ENPP6: variants seen among roughly 807,000 people sequenced by gnomAD.
ENPP6 encodes glycerophosphocholine cholinephosphodiesterase ENPP6.
A neutral mutation model predicts 42.0 loss-of-function variants in ENPP6; 32 were observed. That is an observed-to-expected ratio of 0.76 (90% confidence interval 0.58 to 1.02). The LOEUF (loss-of-function observed/expected upper bound fraction) is 1.02. Among genes scored for constraint, ENPP6 ranks in the 50% least tolerant of loss-of-function variants. The pLI is 0.00. For synonymous variants in ENPP6, 213 were observed against 216.0 expected (o/e 0.99, Z 0.12); for missense variants, 552 against 566.8 (o/e 0.97, Z 0.27).
chr4:184,130,415 G>A lies in ENPP6; in HGVS notation c.422-6143C>T, dbSNP rs56232067. On this transcript the variant is annotated intron_variant, in intron 2 of 7. Coordinates refer to ENST00000296741, the MANE Select transcript of ENPP6 (RefSeq NM_153343.4). ...CTACTAAAAACACAAAAAATTAGCC[G>A]GGCGTGGTGGTGGGCACCTGTAGTC... Among the ~76,000 whole-genome samples, 395 of 124,506 alleles carry A rather than the reference G, an allele frequency of 3.2e-3. 3 individuals are homozygous for A. The highest frequency in any genetic ancestry group is 5.3e-3 in the Non-Finnish European group (304 of 57,220). The allele number at this position is 124,506 out of a possible 152,430, so 81.7% of individuals were successfully genotyped here.
Position 184,112,557 on chromosome 4 carries a change from C to A in ENPP6, c.993+115G>T, listed in dbSNP as rs187075806. On this transcript the variant is annotated intron_variant, in intron 6 of 7. Coordinates refer to ENST00000296741, the MANE Select transcript of ENPP6 (RefSeq NM_153343.4). ...CTAAAGAAAGACATAACGCAACAAA[C>A]GATGCCTAAGTGAAAAAATCTTTTA... 4,763 of 1,289,156 alleles carry A rather than the reference C, an allele frequency of 3.7e-3. 12 individuals carry two copies. The highest frequency in any genetic ancestry group is 0.013 in the Middle Eastern group (63 of 4,904). 79.9% of individuals were successfully genotyped at this position (1,289,156 alleles called of 1,614,324 possible). A position where few individuals can be genotyped will look rare whatever the true frequency, so the allele number is the denominator to read the frequency against.
intron 6 of ENPP6, among the ~76,000 whole-genome samples, chr4:184,104,981 A>G (rs969272321): frequency 6.6e-6 from 1 of 152,168 alleles, no homozygotes; most frequent in African/African-American, 2.4e-5. Flanking sequence ...CCTGGAAGAG[A>G]TGGTGTTTGA....
intron 2 of ENPP6, among the ~76,000 whole-genome samples, chr4:184,125,980 C>T (rs1164240417): frequency 6.6e-6 from 1 of 152,086 alleles, no homozygotes; most frequent in African/African-American, 2.4e-5. Context: ...TGCCAGAAAC[C>T]CCAAAGCAAA....
At chr4:184,143,561 C>T (rs539906805) in intron 2 of ENPP6, among the ~76,000 whole-genome samples, 1 of 152,342 alleles carries the variant, frequency 6.6e-6, no homozygotes, top group South Asian at 2.1e-4. Flanking sequence ...CTCCCCTTCT[C>T]CATGGACCTC....
At chr4:184,145,589 C>T (rs958223187) in intron 2 of ENPP6, among the ~76,000 whole-genome samples, 5 of 152,212 alleles carry the variant, frequency 3.3e-5, no homozygotes, top group African/African-American at 9.6e-5. Flanking sequence ...AGGGCTGTGG[C>T]ACATTCCGAC....
At chr4:184,157,497 T>C (rs1737183430) in intron 1 of ENPP6, among the ~76,000 whole-genome samples, 1 of 151,522 alleles carries the variant, frequency 6.6e-6, no homozygotes, top group African/African-American at 2.4e-5. Context: ...TCCTTTCCTT[T>C]CTTTCCTCTT....
chr4:184,112,553 C>A (rs528676812), intron 6 of ENPP6, 119 bp downstream of exon 6: 165 of 1,267,672 alleles, frequency 1.3e-4, no homozygotes, highest in African/African-American at 5.9e-4. Flanking sequence ...CATAACGCAA[C>A]AAACGATGCC....
rs145345928 is a variant in ENPP6, at chr4:184,122,231, G to A, written c.533+1930C>T. Among the ~76,000 whole-genome samples, 350 of 152,246 alleles carry A rather than the reference G, an allele frequency of 2.3e-3. 2 individuals carry two copies. The highest frequency in any genetic ancestry group is 7.9e-3 in the African/African-American group (330 of 41,532). ...GCAGACCATGTGAATGCCAACCCAT[G>A]GAGCTCAAGGCCATCTACATAGACC... On this transcript the variant is annotated intron_variant, in intron 3 of 7. Transcript: ENST00000296741.
intron 1 of ENPP6, among the ~76,000 whole-genome samples, chr4:184,211,827 CA>C (rs1733118327): frequency 6.6e-6 from 1 of 151,594 alleles, no homozygotes; most frequent in African/African-American, 2.4e-5. Context: ...AACATTGATG[CA>C]AAAATCCTCA....
chr4:184,101,261 GTGTC>G (rs1406871971), intron 6 of ENPP6, among the ~76,000 whole-genome samples: 5 of 151,930 alleles, frequency 3.3e-5, no homozygotes, highest in South Asian at 4.2e-4. Context: ...GTGTTTATGT[GTGTC>G]TGTGTTGCAC....
chr4:184,096,478 T>TG (rs1284818185), intron 7 of ENPP6, among the ~76,000 whole-genome samples: 1 of 152,186 alleles, frequency 6.6e-6, no homozygotes, highest in Non-Finnish European at 1.5e-5. Flanking sequence ...TGATGGCTGT[T>TG]GGATGATTTT....
At chr4:184,165,063 C>T (rs907752364) in intron 1 of ENPP6, among the ~76,000 whole-genome samples, 2 of 152,190 alleles carry the variant, frequency 1.3e-5, no homozygotes, top group Admixed American at 6.5e-5. Context: ...CAGAGGAACA[C>T]GTCAGTCCAG....
intron 2 of ENPP6, among the ~76,000 whole-genome samples, chr4:184,145,482 G>A (rs886256109): frequency 2.0e-5 from 3 of 152,224 alleles, no homozygotes; most frequent in Admixed American, 6.5e-5. Flanking sequence ...GATGAAGCCC[G>A]AGGTTGGTCT....
intron 6 of ENPP6, among the ~76,000 whole-genome samples, chr4:184,108,151 G>C (rs1217971810): frequency 1.3e-5 from 2 of 152,238 alleles, no homozygotes; most frequent in African/African-American, 2.4e-5. Context: ...GAAAGGAGTG[G>C]GGGACAGGAC....
At chr4:184,186,730 C>T (rs1173743876) in intron 1 of ENPP6, among the ~76,000 whole-genome samples, 1 of 152,074 alleles carries the variant, frequency 6.6e-6, no homozygotes, top group Non-Finnish European at 1.5e-5. Context: ...TAGAGGATGA[C>T]ATCAGTAGTG....
intron 2 of ENPP6, among the ~76,000 whole-genome samples, chr4:184,126,178 C>A (rs11723148): frequency 3.0e-4 from 45 of 152,206 alleles, no homozygotes; most frequent in African/African-American, 1.0e-3. Flanking sequence ...GTTTTTGGTA[C>A]GAGCAACAAT....
chr4:184,145,651 T>C (rs904657949), intron 2 of ENPP6, among the ~76,000 whole-genome samples: 1 of 152,204 alleles, frequency 6.6e-6, no homozygotes, highest in African/African-American at 2.4e-5. Context: ...AATGAACACA[T>C]CAGTGAACGG....
intron 6 of ENPP6, among the ~76,000 whole-genome samples, chr4:184,102,177 T>A (rs2111333052): frequency 6.6e-6 from 1 of 152,318 alleles, no homozygotes. Flanking sequence ...TAAATACAGT[T>A]TGTTCGACAC....
intron 1 of ENPP6, among the ~76,000 whole-genome samples, chr4:184,190,146 C>G (rs985030208): frequency 6.6e-6 from 1 of 152,200 alleles, no homozygotes; most frequent in East Asian, 1.9e-4. Flanking sequence ...TCCAGACTCT[C>G]TGTTATAAGT....
Sources: allele counts gnomAD v4.1 joint callset (sites outside exome capture counted in the v4.1 genomes callset), GRCh38; gene constraint gnomAD v4.1.1; transcripts MANE v1.5; gene names NCBI Gene and HGNC (gene_info 2026-07-23, HGNC 2026-07-21).